Variants in NEURL4 observed in about 807,000 individuals in gnomAD.
NEURL4 encodes the protein neuralized E3 ubiquitin protein ligase 4.
A neutral mutation model predicts 148.0 loss-of-function variants in NEURL4; 45 were observed. That is an observed-to-expected ratio of 0.30 (90% CI 0.24 to 0.39). The LOEUF is 0.39. NEURL4 is among the 10% of genes least tolerant of loss of function. NEURL4 has a pLI of 1.00. For missense variants in NEURL4, 1,776 were observed against 2,144.0 expected (o/e 0.83, Z 3.39); for synonymous variants, 854 against 869.0 (o/e 0.98, Z 0.30).
Position 7,321,533 on chromosome 17 carries a change from C to A in NEURL4, c.3099+27G>T. ...CTGCCACCTCCACTCCCAACCCCTC[C>A]CCTGTCCCTGGAGCCAGCCACTTCA... On this transcript the variant is annotated intron_variant, in intron 18 of 28. Transcript: ENST00000399464. The surrounding 1 kb of genome is among the most constrained non-coding windows in gnomAD (Gnocchi z 6.3). 6.2e-7 allele frequency: 1 copy of A among 1,613,510 alleles called. No homozygotes were observed.
At position 7,327,000 on chromosome 17, in the gene NEURL4, T is replaced by C. The variant is rs374744644; in HGVS notation, c.803A>G (p.Asn268Ser). Residue 268 changes from asparagine (N) to serine (S), a missense_variant, in exon 4 of 29, where the codon AAC (asparagine) becomes AGC (serine). Coordinates refer to ENST00000399464, the MANE Select transcript of NEURL4 (RefSeq NM_032442.3). The surrounding 1 kb of genome is among the most constrained non-coding windows in gnomAD (Gnocchi z 6.0). The stretch of plus-strand genomic sequence containing the variant: ...GCTCACCACCTCAGACAGCTCCATG[T>C]TGGCAAAGTCTATAGCAGCAGGATG... ...NSLESHNDFANMELSEVVSNT... is the reference protein window; with the variant it reads ...NSLESHNDFASMELSEVVSNT... 36 of 1,610,902 alleles carry C rather than the reference T, an allele frequency of 2.2e-5. No homozygotes were observed. The highest frequency in any genetic ancestry group is 3.0e-5 in the Non-Finnish European group (35 of 1,179,990).
At chr17:7,320,975 C>G in intron 20 of NEURL4, 52 bp from the exon 21 acceptor site, 1 of 1,605,872 alleles carries the variant, frequency 6.2e-7, no homozygotes, top group Non-Finnish European at 8.5e-7. Context: ...CCAGGACTGA[C>G]CCACCCCACT....
Position 7,322,821 on chromosome 17 carries a change from G to A in NEURL4, c.2639C>T (p.Ser880Phe), listed in dbSNP as rs762541198. 6.2e-7 allele frequency: 1 copy of A among 1,614,028 alleles called. No individual in the cohort carries two copies. The highest frequency in any genetic ancestry group is 1.7e-5 in the Admixed American group (1 of 60,010). The change falls in exon 16 of 29, where the codon TCC (serine) becomes TTC (phenylalanine). Residue 880 changes from serine (S) to phenylalanine (F), a missense_variant. Ser to Phe is a radical substitution (Grantham distance 155). Coordinates refer to ENST00000399464, the MANE Select transcript of NEURL4 (RefSeq NM_032442.3). The surrounding 1 kb of genome is among the most constrained non-coding windows in gnomAD (Gnocchi z 5.5). The stretch of plus-strand genomic sequence containing the variant: ...CATGGGGCCGGTGGCATTGGTGATG[G>A]ACACTTGGACACACTGGCCATAGAG... ...VDLYGQCVQVSITNATGPMDN... is the reference protein window; with the variant it reads ...VDLYGQCVQVFITNATGPMDN...
Position 7,327,524 on chromosome 17 carries a change from T to C in NEURL4, c.643A>G (p.Thr215Ala), listed in dbSNP as rs1455223683. The change falls in exon 2 of 29, where the codon ACT becomes GCT. Residue 215 changes from threonine (T) to alanine (A), a missense_variant. Thr to Ala is a moderately conservative substitution (Grantham distance 58). Coordinates refer to ENST00000399464, the MANE Select transcript of NEURL4 (RefSeq NM_032442.3). This position sits in a 1 kb window ranked among gnomAD's most constrained non-coding sequence, Gnocchi z 6.6. ...TCGAGGGGAGGTGTGGGGATGGGAG[T>C]AGGGGGGCTGAAGCCTGGCTCAGGG... ...LPPEPGFSPP[T>A]PIPTPPLEPL... The C allele has an allele frequency of 2.5e-6, 4 of 1,604,370 alleles. No homozygotes were observed. Among genetic ancestry groups the C allele is most frequent in the Non-Finnish European group, 3.4e-6 (4 of 1,175,314 alleles).
chr17:7,319,725 C>CA (rs72531782), intron 21 of NEURL4, among the ~76,000 whole-genome samples: 22 of 142,160 alleles, frequency 1.5e-4, no homozygotes, highest in Non-Finnish European at 1.6e-4. Context: ...AACAAAAAAA[C>CA]AAAAAAAAAA....
rs1284045475 is a variant in NEURL4, at chr17:7,318,397, C to G, written c.3865-41G>C. ...TAGTCAGACAGAGCTTGGTCAGACC[C>G]CAGGGCCTGCTGATCCCTCCCTGGA... On this transcript the variant is annotated intron_variant, in intron 23 of 28. Coordinates refer to ENST00000399464, the MANE Select transcript of NEURL4 (RefSeq NM_032442.3). The surrounding 1 kb of genome is among the most constrained non-coding windows in gnomAD (Gnocchi z 4.3). 2 of 1,611,448 alleles carry G rather than the reference C, an allele frequency of 1.2e-6. No individual in the cohort carries two copies. Among genetic ancestry groups the G allele is most frequent in the Non-Finnish European group, 8.5e-7 (1 of 1,177,848 alleles).
intron 28 of NEURL4, among the ~76,000 whole-genome samples, chr17:7,316,794 T>C (rs1374585133): frequency 6.6e-6 from 1 of 152,054 alleles, no homozygotes; most frequent in African/African-American, 2.4e-5. Context: ...TGGTGGTGCG[T>C]GCCTGTAGTC....
chr17:7,324,300 G>C lies in NEURL4; in HGVS notation c.1900-30C>G. On this transcript the variant is annotated intron_variant, in intron 10 of 28. Coordinates refer to ENST00000399464, the MANE Select transcript of NEURL4 (RefSeq NM_032442.3). The surrounding 1 kb of genome is among the most constrained non-coding windows in gnomAD (Gnocchi z 5.9). ...GAAGAAGGGGGTGCTGGAGTGAGGA[G>C]TCAGGCAGAGTTCCTGCCGGGGCTG... 6.2e-7 allele frequency: 1 copy of C among 1,613,356 alleles called. No individual in the cohort carries two copies. The highest frequency in any genetic ancestry group is 8.5e-7 in the Non-Finnish European group (1 of 1,179,436).
rs112930966 is a variant in NEURL4, at chr17:7,322,103, G to C, written c.2726-93C>G. 8.3e-3 allele frequency: 11,778 copies of C among 1,423,206 alleles called. 772 individuals carry two copies. In the African/African-American group the frequency reaches 0.14, roughly 17 times the overall value. The allele number at this position is 1,423,206 out of a possible 1,614,324, so 88.2% of individuals were successfully genotyped here. On this transcript the variant is annotated intron_variant, in intron 16 of 28. Transcript: ENST00000399464. The surrounding 1 kb of genome is among the most constrained non-coding windows in gnomAD (Gnocchi z 5.5). Reference sequence around the variant, plus strand: ...AAAGCTTTCAGATGAAACGAAATGGGGATGCCAACGCCCCATCTGCCATCT... The same window carrying C: ...AAAGCTTTCAGATGAAACGAAATGGCGATGCCAACGCCCCATCTGCCATCT...
At chr17:7,317,146 G>A (rs1248669386) in intron 28 of NEURL4, 59 bp downstream of exon 28, 15 of 1,297,344 alleles carry the variant, frequency 1.2e-5, no homozygotes, top group Non-Finnish European at 1.6e-5. Flanking sequence ...CAGTGGCTGC[G>A]CTTGGGCCCT....
Position 7,327,264 on chromosome 17 carries a change from G to A in NEURL4, c.728-34C>T. The A allele has an allele frequency of 3.2e-6, 5 of 1,574,692 alleles. No individual in the cohort carries two copies. Among genetic ancestry groups the A allele is most frequent in the Non-Finnish European group, 4.3e-6 (5 of 1,160,910 alleles). ...CAGGTGGGATGGGAGGGGAATAAGG[G>A]TTCAGTCCCTGCTTCACGGCCCATA... On this transcript the variant is annotated intron_variant, in intron 2 of 28. Coordinates refer to ENST00000399464, the MANE Select transcript of NEURL4 (RefSeq NM_032442.3). This position sits in a 1 kb window ranked among gnomAD's most constrained non-coding sequence, Gnocchi z 6.6.
intron 6 of NEURL4, 48 bp from the exon 7 acceptor site, chr17:7,325,761 G>T: frequency 6.9e-7 from 1 of 1,449,080 alleles, no homozygotes; most frequent in Non-Finnish European, 9.7e-7. Flanking sequence ...GGCCTGCTCA[G>T]CACCCCACTC....
In NEURL4 at chr17:7,326,324, G is replaced by C; in HGVS notation, c.1224C>G (p.Gly408=). The change falls in exon 6 of 29, where the codon GGC becomes GGG. Residue 408 remains glycine (G), a synonymous_variant. Transcript: ENST00000399464. This position sits in a 1 kb window ranked among gnomAD's most constrained non-coding sequence, Gnocchi z 6.0. ...NLQSGTIMMS[G]CGILTNGKGT... is the part of the protein sequence containing the mutation. ...CCTTGCCATTGGTCAGGATTCCACA[G>C]CCGCTCATCATGATGGTGCCTGGGT... is the stretch of plus-strand genomic sequence containing the variant. 6.2e-7 allele frequency: 1 copy of C among 1,614,166 alleles called. No homozygotes were observed. Among genetic ancestry groups the C allele is most frequent in the South Asian group, 1.1e-5 (1 of 91,080 alleles).
Position 7,326,773 on chromosome 17 carries a change from C to G in NEURL4, c.1030G>C (p.Asp344His). ...ATGACAACCCCATTGTTGAATTCAT[C>G]CAGGGGCCGCCGGCGCTCAGCCGTC... ...NKTAERRRPL[D>H]EFNNGVVMTN... Residue 344 changes from aspartate (D) to histidine (H), a missense_variant, in exon 4 of 29, where the codon GAT (aspartate) becomes CAT (histidine). Physicochemically the swap from Asp to His is moderately conservative, Grantham distance 81. Transcript: ENST00000399464. This position sits in a 1 kb window ranked among gnomAD's most constrained non-coding sequence, Gnocchi z 6.0. The G allele has an allele frequency of 6.2e-7, 1 of 1,613,304 alleles. No homozygotes were observed. The highest frequency in any genetic ancestry group is 2.2e-5 in the East Asian group (1 of 44,878).
intron 6 of NEURL4, among the ~76,000 whole-genome samples, 182 bp from the exon 7 acceptor site, chr17:7,325,895 G>T (rs1418133989): frequency 6.6e-6 from 1 of 152,136 alleles, no homozygotes; most frequent in Non-Finnish European, 1.5e-5. Context: ...CGTGAGTCAG[G>T]CACTGAGTTA....
intron 26 of NEURL4, 91 bp from the exon 27 acceptor site, chr17:7,317,664 C>T (rs1178582327): frequency 1.3e-6 from 2 of 1,555,142 alleles, no homozygotes; most frequent in Non-Finnish European, 1.8e-6. Flanking sequence ...ACAGGAAGTC[C>T]CTGGCACTTC....
chr17:7,316,933 A>G (rs1263834324), intron 28 of NEURL4, among the ~76,000 whole-genome samples: 1 of 152,160 alleles, frequency 6.6e-6, no homozygotes, highest in Non-Finnish European at 1.5e-5. Flanking sequence ...AATAAAAATA[A>G]AAATAAATAA....
At position 7,318,806 on chromosome 17, in the gene NEURL4, C is replaced by T. The variant is rs1006035645; in HGVS notation, c.3685-132G>A. ...TTGCCCACTGCCGAGGTTCTCCTCC[C>T]ACTGCAGTTACCTAGAGCCCCTCCC... On this transcript the variant is annotated intron_variant, in intron 22 of 28. Transcript: ENST00000399464. The surrounding 1 kb of genome is among the most constrained non-coding windows in gnomAD (Gnocchi z 4.3). 2 of 1,068,920 alleles carry T rather than the reference C, an allele frequency of 1.9e-6. No homozygotes were observed. 66.2% of individuals were successfully genotyped at this position (1,068,920 alleles called of 1,614,324 possible).
chr17:7,325,467 G>A lies in NEURL4; in HGVS notation c.1373C>T (p.Ala458Val). 6.2e-7 allele frequency: 1 copy of A among 1,610,990 alleles called. No homozygotes were observed. The change falls in exon 8 of 29, where the codon GCA becomes GTA. Residue 458 changes from alanine to valine, a missense_variant. Ala to Val is a moderately conservative substitution (Grantham distance 64). Transcript: ENST00000399464. Reference sequence around the variant, plus strand: ...CACCACTGGGGGCGTCAAGGGGGTTGCCACTCCTGTGGCAGGAAGGTACGG... The same window carrying A: ...CACCACTGGGGGCGTCAAGGGGGTTACCACTCCTGTGGCAGGAAGGTACGG... ...FFINGIDQGV[A>V]TPLTPPVVYG...
Sources: allele counts gnomAD v4.1 joint callset (sites outside exome capture counted in the v4.1 genomes callset), GRCh38; gene constraint gnomAD v4.1.1; non-coding constraint Gnocchi (gnomAD v3.1); transcripts MANE v1.5; gene names NCBI Gene and HGNC (gene_info 2026-07-23, HGNC 2026-07-21).